The following CFAP47 variants were observed in gnomAD, a reference collection of about 807,000 sequenced individuals.
CFAP47 encodes the protein cilia and flagella associated protein 47, also known as cilia- and flagella-associated protein 47.
A neutral mutation model predicts 148.1 loss-of-function variants in CFAP47; 29 were observed. The ratio of observed to expected loss-of-function variants is 0.20; its 90% confidence interval spans 0.15 to 0.27. The LOEUF (loss-of-function observed/expected upper bound fraction) is 0.27. Ranked by LOEUF, CFAP47 falls within the 10% of genes least tolerant of loss-of-function variation. The pLI is 1.00. For missense variants in CFAP47, 1,872 were observed against 1,697.5 expected (o/e 1.10, Z -1.81); for synonymous variants, 664 against 577.3 (o/e 1.15, Z -2.15).
chrX:36,308,116 C>T (rs1766344275), intron 55 of CFAP47, among the ~76,000 whole-genome samples: 1 of 111,500 alleles, frequency 9.0e-6, no homozygotes, highest in Admixed American at 9.6e-5. Context: ...AGTCTTAGAA[C>T]TCAGCAGGGA....
intron 37 of CFAP47, among the ~76,000 whole-genome samples, chrX:36,149,605 TTTA>T (rs1042685564): frequency 9.6e-4 from 62 of 64,333 alleles, no homozygotes; most frequent in East Asian, 2.1e-3. Context: ...TATTTATTTA[TTTA>T]TTTATTTTAT....
rs765556896 is a variant in CFAP47 at position 36,135,062 on chromosome X, C to T, written c.5321-2896C>T. 4.5e-5 allele frequency among the ~76,000 whole-genome samples: 5 copies of T among 111,024 alleles called. No individual in the cohort carries two copies. The South Asian group carries it at 1.9e-3, about 42-fold the overall frequency. On this transcript the variant is annotated intron_variant, in intron 33 of 63. Coordinates refer to ENST00000378653, the MANE Select transcript of CFAP47 (RefSeq NM_001304548.2). ...AGAATTACCAAGCATCGTATGTTTT[C>T]ACTCATAAGTGGGAGCTAAGCTATG...
chrX:36,030,771 C>T (rs192136603), intron 22 of CFAP47, among the ~76,000 whole-genome samples: 1 of 110,321 alleles, frequency 9.1e-6, no homozygotes, highest in African/African-American at 3.3e-5. Flanking sequence ...AGTATTTTTA[C>T]AGATACCCCT....
intron 51 of CFAP47, among the ~76,000 whole-genome samples, chrX:36,295,143 C>T (rs782333662): frequency 9.0e-6 from 1 of 111,557 alleles, no homozygotes; most frequent in East Asian, 2.8e-4. Flanking sequence ...ATCATTAAAC[C>T]GAAAAGAGCG....
At chrX:36,013,915 A>G (rs768646456) in intron 21 of CFAP47, among the ~76,000 whole-genome samples, 30 of 112,384 alleles carry the variant, frequency 2.7e-4, no homozygotes, top group Middle Eastern at 9.3e-3. Flanking sequence ...TTTTGGCAAT[A>G]ATGAATAAGT....
chrX:36,061,666 A>G (rs764403840), intron 26 of CFAP47, among the ~76,000 whole-genome samples: 3 of 112,491 alleles, frequency 2.7e-5, no homozygotes, highest in Non-Finnish European at 5.6e-5. Context: ...AAAATTGTAA[A>G]TAGGTATGGA....
At chrX:36,154,378 G>T (rs755313419) in intron 37 of CFAP47, among the ~76,000 whole-genome samples, 1 of 111,906 alleles carries the variant, frequency 8.9e-6, no homozygotes, top group African/African-American at 3.2e-5. Context: ...TTTAACACGG[G>T]TTTTCTTCCT....
intron 63 of CFAP47, among the ~76,000 whole-genome samples, chrX:36,382,754 T>A (rs1168398117): frequency 9.0e-6 from 1 of 111,637 alleles, no homozygotes; most frequent in African/African-American, 3.3e-5. Flanking sequence ...ATCTGTTTAT[T>A]TTTTTAAATT....
At chrX:36,175,538 G>A (rs888184947) in intron 39 of CFAP47, among the ~76,000 whole-genome samples, 6 of 111,647 alleles carry the variant, frequency 5.4e-5, no homozygotes, top group African/African-American at 1.6e-4. Flanking sequence ...TCAGCTGCAG[G>A]TCTGTTGGAG....
Position 35,971,607 on chromosome X carries a change from T to C in CFAP47, c.1992T>C (p.Asp664=). The C allele has an allele frequency of 8.6e-7, 1 of 1,168,331 alleles. No homozygotes were observed. The highest frequency in any genetic ancestry group is 3.1e-5 in the East Asian group (1 of 31,828). Residue 664 remains aspartate, a synonymous_variant, in exon 12 of 64, where the codon GAT becomes GAC. Coordinates refer to ENST00000378653, the MANE Select transcript of CFAP47 (RefSeq NM_001304548.2). ...QAERERMYSY[D]DTDIGLEPGS... is the part of the protein sequence containing the mutation. Reference sequence around the variant, plus strand: ...ATAGGGAGCGCATGTATTCATATGATGATACAGACATAGGCTTAGAGCCAG... The same window carrying C: ...ATAGGGAGCGCATGTATTCATATGACGATACAGACATAGGCTTAGAGCCAG...
At chrX:36,212,557 ATTCT>A (rs1293309221) in intron 45 of CFAP47, among the ~76,000 whole-genome samples, 6 of 111,432 alleles carry the variant, frequency 5.4e-5, no homozygotes, top group African/African-American at 1.6e-4. Flanking sequence ...GTCTTTAGAA[ATTCT>A]TTATTTTTTT....
intron 33 of CFAP47, among the ~76,000 whole-genome samples, chrX:36,108,039 A>G (rs956660760): frequency 4.5e-5 from 5 of 111,443 alleles, no homozygotes; most frequent in African/African-American, 1.6e-4. Context: ...TTTGAGCATT[A>G]GAGTTGTTCA....
intron 39 of CFAP47, among the ~76,000 whole-genome samples, chrX:36,173,037 T>C (rs1939608096): frequency 9.0e-6 from 1 of 111,176 alleles, no homozygotes; most frequent in African/African-American, 3.3e-5. Flanking sequence ...GGAGAGTGTA[T>C]GTGTCGAGGA....
chrX:36,159,422 A>G lies in CFAP47; in HGVS notation c.5787-4A>G. The G allele has an allele frequency of 1.0e-5, 3 of 297,149 alleles. No individual in the cohort carries two copies. Among genetic ancestry groups the G allele is most frequent in the East Asian group, 9.5e-5 (2 of 21,024 alleles). The allele number at this position is 297,149 out of a possible 1,213,427, so 24.5% of individuals were successfully genotyped here. A position where few individuals can be genotyped will look rare whatever the true frequency, so the allele number is the denominator to read the frequency against. On this transcript the variant is annotated splice_polypyrimidine_tract_variant and splice_region_variant and intron_variant, in intron 37 of 63. Coordinates refer to ENST00000378653, the MANE Select transcript of CFAP47 (RefSeq NM_001304548.2). ...CGTTTTCTCTTTTATCTTTTACTAA[A>G]TAGAAATGAAATTAATGTCACTCTG...
rs6632592 is a variant in CFAP47, at chrX:36,365,317, G to A, written c.9024-1649G>A. Among the ~76,000 whole-genome samples, 536 of 110,244 alleles carry A rather than the reference G, an allele frequency of 4.9e-3. 4 individuals are homozygous for A. The highest frequency in any genetic ancestry group is 0.016 in the African/African-American group (490 of 30,529). ...TACTTCATTTTAGCAGCACCCTATT[G>A]AAAGAACATTTTAAAATTTTACTCC... On this transcript the variant is annotated intron_variant, in intron 61 of 63. Transcript: ENST00000378653.
intron 34 of CFAP47, 96 bp from the exon 35 acceptor site, chrX:36,138,252 A>T: frequency 1.2e-6 from 1 of 852,768 alleles, no homozygotes; most frequent in Non-Finnish European, 1.6e-6. Flanking sequence ...GACAAATATT[A>T]ATATTTAAAT....
intron 60 of CFAP47, among the ~76,000 whole-genome samples, chrX:36,359,782 G>C (rs192112539): frequency 9.0e-6 from 1 of 110,820 alleles, no homozygotes; most frequent in Non-Finnish European, 1.9e-5. Context: ...ACGGAATCTC[G>C]CTCTGTCACC....
intron 51 of CFAP47, among the ~76,000 whole-genome samples, chrX:36,294,531 A>G (rs1941223084): frequency 9.1e-6 from 1 of 110,336 alleles, no homozygotes; most frequent in Admixed American, 9.7e-5. Flanking sequence ...TAACACGGTG[A>G]AACCCCGTCT....
At chrX:36,238,012 TC>T in intron 48 of CFAP47, among the ~76,000 whole-genome samples, 1 of 111,735 alleles carries the variant, frequency 8.9e-6, no homozygotes, top group South Asian at 3.7e-4. Context: ...CAAAACCTAG[TC>T]CTTTGCCCAT....
Sources: allele counts gnomAD v4.1 joint callset (sites outside exome capture counted in the v4.1 genomes callset), GRCh38; gene constraint gnomAD v4.1.1; transcripts MANE v1.5; gene names NCBI Gene and HGNC (gene_info 2026-07-23, HGNC 2026-07-21).